PKHD1: variants seen among roughly 807,000 people sequenced by gnomAD.
The protein encoded by PKHD1 is PKHD1 ciliary IPT domain containing fibrocystin/polyductin.
Under a neutral mutation model 412.0 loss-of-function variants are expected in PKHD1, and 291 were observed. The observed-to-expected ratio is 0.71, with a 90% CI of 0.64 to 0.78. The LOEUF (loss-of-function observed/expected upper bound fraction) is 0.78, where lower values mean the gene tolerates loss of function less well. Ranked by LOEUF, PKHD1 falls within the 30% of genes least tolerant of loss-of-function variation. PKHD1 has a pLI of 0.00. For missense variants in PKHD1, 4,825 were observed against 4,950.7 expected (o/e 0.97, Z 0.76); for synonymous variants, 1,777 against 1,821.5 (o/e 0.98, Z 0.62).
chr6:51,669,313 T>C (rs943134044), intron 60 of PKHD1, among the ~76,000 whole-genome samples: 2 of 152,226 alleles, frequency 1.3e-5, no homozygotes, highest in Non-Finnish European at 2.9e-5. Context: ...ATTTCTTCTG[T>C]ATTTTCTAGT....
At chr6:52,006,041 G>T (rs1424413823) in intron 35 of PKHD1, among the ~76,000 whole-genome samples, 1 of 150,426 alleles carries the variant, frequency 6.6e-6, no homozygotes, top group African/African-American at 2.5e-5. Flanking sequence ...GGAAAGAAAC[G>T]TTTAGCTTAC....
At chr6:51,801,484 C>T (rs754564464) in intron 52 of PKHD1, among the ~76,000 whole-genome samples, 1 of 150,476 alleles carries the variant, frequency 6.6e-6, no homozygotes, top group African/African-American at 2.4e-5. Flanking sequence ...CAAATCCACA[C>T]AGGTGGTTTC....
chr6:51,998,811 G>A (rs1388764591), intron 35 of PKHD1, among the ~76,000 whole-genome samples: 1 of 151,856 alleles, frequency 6.6e-6, no homozygotes, highest in African/African-American at 2.4e-5. Context: ...TGATCCATTG[G>A]TGTGTATTTT....
chr6:51,723,207 T>C (rs775766643), intron 60 of PKHD1, among the ~76,000 whole-genome samples: 2 of 152,178 alleles, frequency 1.3e-5, no homozygotes, highest in African/African-American at 2.4e-5. Context: ...CCTTTTGCTC[T>C]TGGGACCTCT....
intron 53 of PKHD1, among the ~76,000 whole-genome samples, chr6:51,779,032 T>C (rs896961434): frequency 6.6e-6 from 1 of 152,138 alleles, no homozygotes; most frequent in Admixed American, 6.6e-5. Context: ...AAATCTTCTG[T>C]ACCCCTTGCT....
At chr6:51,788,170 T>G (rs911763244) in intron 53 of PKHD1, among the ~76,000 whole-genome samples, 1 of 152,146 alleles carries the variant, frequency 6.6e-6, no homozygotes, top group African/African-American at 2.4e-5. Flanking sequence ...TATGTATTTG[T>G]GGCAGCACAA....
chr6:51,966,423 G>T (rs889164072), intron 35 of PKHD1, among the ~76,000 whole-genome samples: 1 of 152,114 alleles, frequency 6.6e-6, no homozygotes, highest in Non-Finnish European at 1.5e-5. Flanking sequence ...GGATAATTTT[G>T]ACTAGAACGG....
In PKHD1 at chr6:51,747,331, T is replaced by G. The variant is rs545360435; in HGVS notation, c.9830-442A>C. 1.1e-4 allele frequency among the ~76,000 whole-genome samples: 16 copies of G among 151,988 alleles called. No individual in the cohort carries two copies. The South Asian group carries it at 3.1e-3, about 30-fold the overall frequency. Reference sequence around the variant, plus strand: ...TAAGCAACTTCAGATGAGACACAACTTCTACATTTCAATTTCCTCACTTGT... The same window carrying G: ...TAAGCAACTTCAGATGAGACACAACGTCTACATTTCAATTTCCTCACTTGT... On this transcript the variant is annotated intron_variant, in intron 58 of 66. Coordinates refer to ENST00000371117, the MANE Select transcript of PKHD1 (RefSeq NM_138694.4).
intron 12 of PKHD1, 119 bp downstream of exon 12, chr6:52,065,857 C>T (rs1290965274): frequency 2.8e-6 from 2 of 704,120 alleles, no homozygotes; most frequent in Non-Finnish European, 5.2e-6. Flanking sequence ...ACTTATCAAA[C>T]ATGATGAGTC....
In PKHD1 at chr6:51,804,361, G is replaced by GT. The variant is rs1763392905; in HGVS notation, c.8303-12989_8303-12988insA. ...TAAGTAGAGAAATACTAATTCATTGGGGGGGGGGGGGGCGGTAACAGGAGA... is the reference window on the plus strand; with the variant it reads ...TAAGTAGAGAAATACTAATTCATTGGTGGGGGGGGGGGGCGGTAACAGGAGA... On this transcript the variant is annotated intron_variant, in intron 52 of 66. Transcript: ENST00000371117. 4.6e-5 allele frequency among the ~76,000 whole-genome samples: 2 copies of GT among 43,240 alleles called. 1 individual carries two copies. The highest frequency in any genetic ancestry group is 1.1e-4 in the Non-Finnish European group (2 of 18,234). The allele number at this position is 43,240 out of a possible 152,430, so 28.4% of individuals were successfully genotyped here.
At chr6:51,888,085 G>A (rs953661800) in intron 43 of PKHD1, among the ~76,000 whole-genome samples, 6 of 152,210 alleles carry the variant, frequency 3.9e-5, no homozygotes, top group African/African-American at 1.4e-4. Flanking sequence ...ACAACTCAAC[G>A]ATTTGTCTAT....
chr6:51,668,886 G>A (rs1774360174), intron 60 of PKHD1, among the ~76,000 whole-genome samples: 1 of 152,176 alleles, frequency 6.6e-6, no homozygotes, highest in African/African-American at 2.4e-5. Flanking sequence ...TTGCATCCCA[G>A]GGATGAAGTC....
intron 55 of PKHD1, among the ~76,000 whole-genome samples, chr6:51,756,599 T>G (rs1247876411): frequency 1.3e-5 from 2 of 152,186 alleles, no homozygotes; most frequent in Admixed American, 1.3e-4. Flanking sequence ...CATGATGTAT[T>G]GATTTCAAAA....
At chr6:51,734,937 GTATC>G (rs1289129793) in intron 60 of PKHD1, among the ~76,000 whole-genome samples, 1 of 152,138 alleles carries the variant, frequency 6.6e-6, no homozygotes, top group African/African-American at 2.4e-5. Context: ...GTGGATTTTG[GTATC>G]TGTAGGGGTC....
intron 45 of PKHD1, among the ~76,000 whole-genome samples, chr6:51,884,337 T>C (rs1402671667): frequency 4.6e-5 from 7 of 152,306 alleles, no homozygotes; most frequent in South Asian, 2.1e-4. Flanking sequence ...TTTATAGATA[T>C]ATGGGTTTAT....
rs1229139298 is a variant in PKHD1, at chr6:52,050,265, G to C, written c.2171C>G (p.Pro724Arg). ...GACTGATTCCACCAGATTGCCCCCT[G>C]GGCGAGCCGTTCCAGAATCAGCTTG... is the stretch of plus-strand genomic sequence containing the variant. ...VSQADSGTAR[P>R]GGNLVESVSV... Residue 724 changes from proline to arginine, a missense_variant, in exon 22 of 67, where the codon CCA (proline) becomes CGA (arginine). Coordinates refer to ENST00000371117, the MANE Select transcript of PKHD1 (RefSeq NM_138694.4). The C allele has an allele frequency of 6.2e-7, 1 of 1,613,998 alleles. No individual in the cohort carries two copies. Among genetic ancestry groups the C allele is most frequent in the Non-Finnish European group, 8.5e-7 (1 of 1,179,976 alleles).
chr6:51,831,526 T>C (rs568680966), intron 51 of PKHD1, among the ~76,000 whole-genome samples: 54 of 152,338 alleles, frequency 3.5e-4, no homozygotes, highest in African/African-American at 1.3e-3. Flanking sequence ...ATTCCTAATG[T>C]CTGACATTGA....
chr6:51,647,554 C>A (rs1209019147), intron 63 of PKHD1, among the ~76,000 whole-genome samples: 1 of 152,188 alleles, frequency 6.6e-6, no homozygotes, highest in Non-Finnish European at 1.5e-5. Context: ...GGGTCAGGTG[C>A]TTTTGCACTT....
At position 51,656,494 on chromosome 6, in the gene PKHD1, G is replaced by T. The variant is rs183256580; in HGVS notation, c.11174+2458C>A. On this transcript the variant is annotated intron_variant, in intron 61 of 66. Transcript: ENST00000371117. ...AACAGAGATCAACAAAGTTTTGGAA[G>T]TTGGAAAACATGGTGATGGAAACTT... 1.8e-3 allele frequency among the ~76,000 whole-genome samples: 268 copies of T among 152,198 alleles called. 1 individual carries two copies. The highest frequency in any genetic ancestry group is 6.3e-3 in the African/African-American group (261 of 41,542).
Sources: gnomAD v4.1 joint callset for allele counts (sites outside exome capture counted in the v4.1 genomes callset) on GRCh38, gnomAD v4.1.1 for gene constraint, MANE v1.5 for transcripts, NCBI Gene and HGNC (gene_info 2026-07-23, HGNC 2026-07-21) for gene names.